The following CSE1L variants were observed in gnomAD, a reference collection of about 807,000 sequenced individuals.
CSE1L encodes the protein chromosome segregation 1 like.
In CSE1L, 24 loss-of-function variants were observed where a neutral mutation model predicts 120.4. The observed-to-expected ratio is 0.20, with a 90% CI of 0.14 to 0.28. CSE1L has a LOEUF of 0.28. Among genes scored for constraint, CSE1L ranks in the 10% least tolerant of loss-of-function variants. The pLI, the probability that CSE1L is intolerant of heterozygous loss-of-function variation, is 1.00. For missense variants in CSE1L, 830 were observed against 1,145.2 expected, an observed-to-expected ratio of 0.72 and a Z score of 3.97; for synonymous variants, 402 against 398.3, an observed-to-expected ratio of 1.01 and a Z score of -0.11.
At position 49,091,158 on chromosome 20, in the gene CSE1L, C is replaced by A; in HGVS notation, c.2365+136C>A. 1.5e-6 allele frequency: 1 copy of A among 669,508 alleles called. No homozygotes were observed. The allele number at this position is 669,508 out of a possible 1,614,324, so 41.5% of individuals were successfully genotyped here. On this transcript the variant is annotated intron_variant, in intron 21 of 24. Coordinates refer to ENST00000262982, the MANE Select transcript of CSE1L (RefSeq NM_001316.4). ...AAATACTTGGCCACGTGTGGAGGTT[C>A]ATGCCTGTAATCGCAGCACTTTGGG...
Position 49,089,276 on chromosome 20 carries a change from C to T in CSE1L, c.1851C>T (p.Tyr617=), listed in dbSNP as rs779571800. Residue 617 remains tyrosine (Y), a synonymous_variant, in exon 18 of 25, where the codon TAC becomes TAT. Coordinates refer to ENST00000262982, the MANE Select transcript of CSE1L (RefSeq NM_001316.4). ...KNPSKPHFNH[Y]MFEAICLSIR... ...CAAGCAAACCTCACTTTAATCACTA[C>T]ATGTTTGAAGCAATATGTTTATCCA... The T allele has an allele frequency of 8.1e-6, 13 of 1,601,508 alleles. No individual in the cohort carries two copies. The Admixed American group carries it at 1.8e-4, about 22-fold the overall frequency.
chr20:49,084,709 T>C (rs999461478), intron 15 of CSE1L, among the ~76,000 whole-genome samples: 1 of 152,136 alleles, frequency 6.6e-6, no homozygotes, highest in African/African-American at 2.4e-5. Flanking sequence ...GGATGAAATG[T>C]AGAGGAATGG....
chr20:49,075,547 T>G (rs766407833), intron 12 of CSE1L, 27 bp downstream of exon 12: 2 of 1,593,322 alleles, frequency 1.3e-6, no homozygotes, highest in Admixed American at 3.3e-5. Flanking sequence ...TGGTTTTGTT[T>G]CTAAAACAGA....
chr20:49,051,715 A>G (rs1431918826), intron 1 of CSE1L, among the ~76,000 whole-genome samples: 1 of 152,214 alleles, frequency 6.6e-6, no homozygotes, highest in Non-Finnish European at 1.5e-5. Flanking sequence ...ATCTTTTTTC[A>G]GAGACAGAGT....
intron 3 of CSE1L, among the ~76,000 whole-genome samples, chr20:49,065,546 C>G: frequency 6.9e-6 from 1 of 145,338 alleles, no homozygotes; most frequent in South Asian, 2.2e-4. Flanking sequence ...TCTCAAACTC[C>G]TGACCTTGAG....
At chr20:49,057,597 C>T (rs1224603310) in intron 1 of CSE1L, among the ~76,000 whole-genome samples, 1 of 151,792 alleles carries the variant, frequency 6.6e-6, no homozygotes, top group Non-Finnish European at 1.5e-5. Context: ...GGACTGAAGG[C>T]ACCCACTACC....
chr20:49,071,791 T>C (rs1170854826), intron 8 of CSE1L, among the ~76,000 whole-genome samples: 6 of 150,958 alleles, frequency 4.0e-5, no homozygotes, highest in Non-Finnish European at 7.4e-5. Context: ...TGAAACCCCG[T>C]CTCTACTAAA....
At chr20:49,081,588 C>T (rs2092013175) in intron 14 of CSE1L, among the ~76,000 whole-genome samples, 2 of 152,142 alleles carry the variant, frequency 1.3e-5, no homozygotes, top group South Asian at 4.1e-4. Flanking sequence ...ATTTTGAGTT[C>T]AGTTAAGCAT....
At position 49,094,954 on chromosome 20, in the gene CSE1L, T is replaced by C. The variant is rs750002251; in HGVS notation, c.2817T>C (p.Cys939=). ...AQSLHKLSTA[C]PGRVPSMVST... ...CACTTCACAAGTTGTCTACCGCCTG[T>C]CCAGGAAGGGTAAGTGTGTTGTCAA... The change falls in exon 24 of 25, where the codon TGT becomes TGC. Residue 939 remains cysteine (C), a synonymous_variant. Transcript: ENST00000262982. 1.9e-6 allele frequency: 3 copies of C among 1,613,850 alleles called. No homozygotes were observed. The highest frequency in any genetic ancestry group is 8.5e-7 in the Non-Finnish European group (1 of 1,179,810).
intron 24 of CSE1L, among the ~76,000 whole-genome samples, chr20:49,095,473 C>G (rs1428164068): frequency 6.6e-6 from 1 of 151,966 alleles, no homozygotes; most frequent in African/African-American, 2.4e-5. Context: ...ACCCACTATG[C>G]CCAGCTAATT....
intron 24 of CSE1L, 44 bp downstream of exon 24, chr20:49,095,007 A>T (rs1469406776): frequency 6.9e-7 from 1 of 1,453,056 alleles, no homozygotes; most frequent in Non-Finnish European, 9.6e-7. Context: ...GGAGACTTTA[A>T]TGGGAGGGCA....
chr20:49,078,625 A>G lies in CSE1L; in HGVS notation c.1482+3A>G. Reference sequence around the variant, plus strand: ...ATATTATGATTTTTAGAAATCAAGTAAGTAGCTTTTTATTTGTTACACGCC... The same window carrying G: ...ATATTATGATTTTTAGAAATCAAGTGAGTAGCTTTTTATTTGTTACACGCC... On this transcript the variant is annotated splice_donor_region_variant and intron_variant, in intron 14 of 24. Coordinates refer to ENST00000262982, the MANE Select transcript of CSE1L (RefSeq NM_001316.4). 2.6e-6 allele frequency: 4 copies of G among 1,549,240 alleles called. No homozygotes were observed. The highest frequency in any genetic ancestry group is 2.6e-6 in the Non-Finnish European group (3 of 1,140,228).
chr20:49,089,849 G>C (rs1041549231), intron 19 of CSE1L, 103 bp downstream of exon 19: 25 of 1,127,276 alleles, frequency 2.2e-5, no homozygotes, highest in South Asian at 6.1e-5. Context: ...TTTAAGGCTG[G>C]GGGCAGTGGC....
intron 14 of CSE1L, among the ~76,000 whole-genome samples, chr20:49,083,781 G>A (rs747790841): frequency 1.3e-5 from 2 of 152,156 alleles, no homozygotes; most frequent in African/African-American, 4.8e-5. Flanking sequence ...TTTATGGTAT[G>A]TTGATTTATC....
chr20:49,077,991 G>A (rs992892337), intron 13 of CSE1L, among the ~76,000 whole-genome samples: 4 of 151,974 alleles, frequency 2.6e-5, no homozygotes, highest in African/African-American at 7.3e-5. Flanking sequence ...GATACAGAGC[G>A]AGACTCTGTC....
In CSE1L at chr20:49,096,354, A is replaced by C. The variant is rs201892069; in HGVS notation, c.2832A>C (p.Pro944=). The C allele has an allele frequency of 8.1e-6, 13 of 1,613,720 alleles. No individual in the cohort carries two copies. The East Asian group carries it at 2.0e-4, about 25-fold the overall frequency. ...GTGTTTCCCATCTCTTGTAGGTTCC[A>C]TCAATGGTGAGCACCAGCCTGAATG... The part of the protein sequence containing the change: ...KLSTACPGRV[P]SMVSTSLNAE... Residue 944 remains proline, a synonymous_variant, in exon 25 of 25, where the codon CCA becomes CCC. Coordinates refer to ENST00000262982, the MANE Select transcript of CSE1L (RefSeq NM_001316.4).
intron 13 of CSE1L, among the ~76,000 whole-genome samples, chr20:49,078,148 G>C (rs1041895946): frequency 1.3e-5 from 2 of 152,166 alleles, no homozygotes; most frequent in Admixed American, 1.3e-4. Context: ...GCTCCCATGT[G>C]ACCATCATTT....
At chr20:49,093,564 CT>C (rs11477256) in intron 22 of CSE1L, among the ~76,000 whole-genome samples, 52,877 of 117,146 alleles carry the variant, frequency 0.45, 7,187 homozygotes, top group East Asian at 0.61. Context: ...GCTCCTCTCT[CT>C]TTTTTTTTTT....
chr20:49,072,620 A>T lies in CSE1L; in HGVS notation c.989A>T (p.Tyr330Phe), dbSNP rs1321826389. 5.0e-6 allele frequency: 8 copies of T among 1,613,808 alleles called. No homozygotes were observed. Among genetic ancestry groups the T allele is most frequent in the Non-Finnish European group, 6.8e-6 (8 of 1,179,866 alleles). ...GCTTCAGTTTGTGAGAGACCTCATTATAAGAATCTATTTGAGGACCAGAAC... is the reference window on the plus strand; with the variant it reads ...GCTTCAGTTTGTGAGAGACCTCATTTTAAGAATCTATTTGAGGACCAGAAC... ...FLASVCERPH[Y>F]KNLFEDQNTL... is the part of the protein sequence containing the mutation. Residue 330 changes from tyrosine to phenylalanine, a missense_variant, in exon 10 of 25, where the codon TAT (tyrosine) becomes TTT (phenylalanine). Around this residue, in one of 4 missense-constraint regions of CSE1L, gnomAD observed 543 missense variants for 640.2 expected, o/e 0.85. Transcript: ENST00000262982.
Sources: allele counts gnomAD v4.1 joint callset (sites outside exome capture counted in the v4.1 genomes callset), GRCh38; gene constraint gnomAD v4.1.1; regional missense constraint gnomAD v4.1.1; transcripts MANE v1.5; gene names NCBI Gene and HGNC (gene_info 2026-07-23, HGNC 2026-07-21).